IRAG1: variants seen among roughly 807,000 people sequenced by gnomAD.
The protein encoded by IRAG1 is IP3R-associated cGMP kinase substrate.
IRAG1 carries 62 observed loss-of-function variants against 106.2 expected under a neutral mutation model. The ratio of observed to expected loss-of-function variants is 0.58; its 90% CI spans 0.48 to 0.72. The LOEUF (loss-of-function observed/expected upper bound fraction) is 0.72. Among genes scored for constraint, IRAG1 ranks in the 30% least tolerant of loss-of-function variants. IRAG1 has a pLI of 0.00. For missense variants in IRAG1, 1,064 were observed against 1,140.7 expected, an observed-to-expected ratio of 0.93 and a Z score of 0.97; for synonymous variants, 462 against 443.9, an observed-to-expected ratio of 1.04 and a Z score of -0.51.
chr11:10,680,620 C>T (rs1002620777), intron 1 of IRAG1, among the ~76,000 whole-genome samples: 4 of 151,848 alleles, frequency 2.6e-5, no homozygotes, highest in Non-Finnish European at 5.9e-5. Context: ...AGAGGGTGTC[C>T]AGAGGTGAGA....
intron 14 of IRAG1, among the ~76,000 whole-genome samples, chr11:10,602,245 C>G (rs1172536615): frequency 2.6e-5 from 4 of 152,224 alleles, no homozygotes; most frequent in Non-Finnish European, 5.9e-5. Context: ...CTGCTCAGGG[C>G]TGCACCACCC....
chr11:10,681,948 G>A (rs1325535111), intron 1 of IRAG1, among the ~76,000 whole-genome samples: 2 of 151,984 alleles, frequency 1.3e-5, no homozygotes, highest in Admixed American at 1.3e-4. Flanking sequence ...CTCTCTCCCG[G>A]CCTGAAAAAC....
chr11:10,615,267 A>G (rs1156349883), intron 10 of IRAG1, among the ~76,000 whole-genome samples: 1 of 152,206 alleles, frequency 6.6e-6, no homozygotes, highest in African/African-American at 2.4e-5. Context: ...GCGATCATTA[A>G]AAAGTCAGGA....
At chr11:10,588,052 CG>C (rs1462565108) in intron 18 of IRAG1, among the ~76,000 whole-genome samples, 1 of 152,132 alleles carries the variant, frequency 6.6e-6, no homozygotes, top group South Asian at 2.1e-4. Context: ...TGGCATACAG[CG>C]AGGTGCAGCA....
intron 20 of IRAG1, among the ~76,000 whole-genome samples, chr11:10,578,602 G>T (rs1284204251): frequency 1.3e-5 from 2 of 152,242 alleles, no homozygotes; most frequent in East Asian, 3.8e-4. Flanking sequence ...AACCTTGCTT[G>T]TTAGTGAGGC....
At chr11:10,682,803 A>G (rs957361631) in intron 1 of IRAG1, among the ~76,000 whole-genome samples, 8 of 152,216 alleles carry the variant, frequency 5.3e-5, no homozygotes, top group African/African-American at 1.7e-4. Context: ...TCCCTTCTTT[A>G]GTAAGAACCC....
At chr11:10,630,145 C>G (rs1266670164) in intron 4 of IRAG1, 3 of 156,042 alleles carry the variant, frequency 1.9e-5, no homozygotes, top group African/African-American at 7.2e-5. Flanking sequence ...CACCTTCCCT[C>G]CAGTCACATT....
At chr11:10,644,777 G>T (rs938324261) in intron 2 of IRAG1, among the ~76,000 whole-genome samples, 5 of 152,140 alleles carry the variant, frequency 3.3e-5, no homozygotes, top group Admixed American at 2.6e-4. Flanking sequence ...ACAGATAATT[G>T]ATCCTTTGGG....
rs1444682719 is a variant in IRAG1, at chr11:10,647,669, T to G, written c.225+4356A>C. Among the ~76,000 whole-genome samples the G allele has an allele frequency of 6.6e-6, 1 of 152,140 alleles. No homozygotes were observed. Among genetic ancestry groups the G allele is most frequent in the East Asian group, 1.9e-4 (1 of 5,176 alleles). ...CAGGTTTACAAGGCACTTCAGAGGA[T>G]GCTGCACTGTCTGGGTGAGTCAGCT... On this transcript the variant is annotated intron_variant, in intron 2 of 20. Coordinates refer to ENST00000423302, the MANE Select transcript of IRAG1 (RefSeq NM_130385.4). This position sits in a 1 kb window ranked among gnomAD's most constrained non-coding sequence, Gnocchi z 4.3.
At chr11:10,656,971 G>A (rs1039519904) in intron 1 of IRAG1, among the ~76,000 whole-genome samples, 3 of 152,134 alleles carry the variant, frequency 2.0e-5, no homozygotes, top group Non-Finnish European at 4.4e-5. Context: ...TTCGGTTGTC[G>A]GGCCGGGGTC....
intron 1 of IRAG1, among the ~76,000 whole-genome samples, chr11:10,667,917 T>C (rs535380657): frequency 1.3e-5 from 2 of 152,344 alleles, no homozygotes; most frequent in South Asian, 4.1e-4. Flanking sequence ...CGTCCACAGA[T>C]GAAGTCCAGT....
intron 1 of IRAG1, among the ~76,000 whole-genome samples, chr11:10,688,905 C>T (rs1285153558): frequency 6.6e-6 from 1 of 152,128 alleles, no homozygotes; most frequent in African/African-American, 2.4e-5. Context: ...AAGTTTCTTG[C>T]CCTCTCTGTG....
chr11:10,579,831 T>G (rs907644947), intron 20 of IRAG1, among the ~76,000 whole-genome samples: 2 of 152,218 alleles, frequency 1.3e-5, no homozygotes, highest in African/African-American at 4.8e-5. Flanking sequence ...TCTCTTTATC[T>G]ACATGTTATA....
Position 10,628,911 on chromosome 11 carries a change from A to G in IRAG1, c.575-83T>C. On this transcript the variant is annotated intron_variant, in intron 5 of 20. Transcript: ENST00000423302. The surrounding 1 kb of genome is among the most constrained non-coding windows in gnomAD (Gnocchi z 4.1). Reference sequence around the variant, plus strand: ...CAAAGGCATCCTTTTAGGTATTCCCAGGCCCTGGGAACTGGGTCTGCCTTG... The same window carrying G: ...CAAAGGCATCCTTTTAGGTATTCCCGGGCCCTGGGAACTGGGTCTGCCTTG... 7.5e-7 allele frequency: 1 copy of G among 1,337,430 alleles called. No homozygotes were observed. Among genetic ancestry groups the G allele is most frequent in the East Asian group, 2.7e-5 (1 of 37,296 alleles). The allele number at this position is 1,337,430 out of a possible 1,614,324, so 82.8% of individuals were successfully genotyped here.
intron 3 of IRAG1, 101 bp from the exon 4 acceptor site, chr11:10,632,162 C>A (rs1856744971): frequency 6.7e-5 from 49 of 730,150 alleles, no homozygotes; most frequent in Non-Finnish European, 1.1e-4. Context: ...TTCTTTCTTT[C>A]TTTGTTTCCT....
chr11:10,685,839 G>A (rs908780284), intron 1 of IRAG1, among the ~76,000 whole-genome samples: 1 of 152,128 alleles, frequency 6.6e-6, no homozygotes, highest in Admixed American at 6.5e-5. Context: ...CAGGCTTAGG[G>A]ATAGGTCCAG....
rs571300086 is a variant in IRAG1 at position 10,613,707 on chromosome 11, T to C, written c.1448-3856A>G. 2.6e-5 allele frequency among the ~76,000 whole-genome samples: 4 copies of C among 152,262 alleles called. No individual in the cohort carries two copies. In the East Asian group the frequency reaches 7.7e-4, roughly 29 times the overall value. Reference sequence around the variant, plus strand: ...AGATGTGTAGAGGTAGAAATGGAAATGTAGGAAGAAATGTGAAGGTGGGAA... The same window carrying C: ...AGATGTGTAGAGGTAGAAATGGAAACGTAGGAAGAAATGTGAAGGTGGGAA... On this transcript the variant is annotated intron_variant, in intron 10 of 20. Coordinates refer to ENST00000423302, the MANE Select transcript of IRAG1 (RefSeq NM_130385.4).
chr11:10,606,768 G>T lies in IRAG1; in HGVS notation c.1576C>A (p.Pro526Thr). 6.3e-7 allele frequency: 1 copy of T among 1,588,706 alleles called. No individual in the cohort carries two copies. Residue 526 changes from proline (P) to threonine (T), a missense_variant, in exon 12 of 21, where the codon CCT becomes ACT. Pro to Thr is a conservative substitution (Grantham distance 38). Coordinates refer to ENST00000423302, the MANE Select transcript of IRAG1 (RefSeq NM_130385.4). ...RVHRSLPGSA[P>T]PLTEKEVENV... The stretch of plus-strand genomic sequence containing the variant: ...TCAACTTCCTTTTCAGTGAGTGGAG[G>T]GGCACTGTGAAAAAGAAAACACACA...
At chr11:10,649,915 C>T (rs1443753472) in intron 2 of IRAG1, among the ~76,000 whole-genome samples, 1 of 152,166 alleles carries the variant, frequency 6.6e-6, no homozygotes, top group Non-Finnish European at 1.5e-5. Context: ...TGCCATGATT[C>T]TCTCTGTGCC....
Sources: allele counts gnomAD v4.1 joint callset (sites outside exome capture counted in the v4.1 genomes callset), GRCh38; gene constraint gnomAD v4.1.1; non-coding constraint Gnocchi (gnomAD v3.1); transcripts MANE v1.5; gene names NCBI Gene and HGNC (gene_info 2026-07-23, HGNC 2026-07-21).